Variants in AFF3 observed in about 807,000 individuals in gnomAD.
AFF3 encodes the protein AF4/FMR2 family member 3.
AFF3 carries 32 observed loss-of-function variants against 129.7 expected under a neutral mutation model. That is an observed-to-expected ratio of 0.25 (90% CI 0.19 to 0.33). The LOEUF (loss-of-function observed/expected upper bound fraction) is 0.33, where lower values mean the gene tolerates loss of function less well. Among genes scored for constraint, AFF3 ranks in the 10% least tolerant of loss-of-function variants. The probability of loss-of-function intolerance (pLI) is 1.00; values close to 1 mark genes in which losing one functional copy is unlikely to be tolerated. For synonymous variants in AFF3, 644 were observed against 635.4 expected (o/e 1.01, Z -0.20); for missense variants, 1,373 against 1,592.0 (o/e 0.86, Z 2.34).
chr2:100,114,850 G>A (rs914920920), intron 2 of AFF3, among the ~76,000 whole-genome samples: 2 of 152,198 alleles, frequency 1.3e-5, no homozygotes, highest in South Asian at 4.1e-4. Flanking sequence ...AAAATGAAAA[G>A]CTTCTTTTAG....
intron 1 of AFF3, among the ~76,000 whole-genome samples, chr2:100,129,618 T>A (rs1692337639): frequency 6.6e-6 from 1 of 152,192 alleles, no homozygotes; most frequent in Non-Finnish European, 1.5e-5. Context: ...CTCTTCCCAA[T>A]ACGTCTAATT....
At chr2:100,091,362 G>C (rs1689844670) in intron 4 of AFF3, among the ~76,000 whole-genome samples, 1 of 152,096 alleles carries the variant, frequency 6.6e-6, no homozygotes, top group South Asian at 2.1e-4. Context: ...CAACATCGTG[G>C]GACTCCTGTC....
intron 7 of AFF3, among the ~76,000 whole-genome samples, chr2:99,990,548 T>A (rs1176959138): frequency 6.6e-6 from 1 of 152,192 alleles, no homozygotes; most frequent in East Asian, 1.9e-4. Flanking sequence ...AAATTGTTTG[T>A]TCTACATCCT....
chr2:99,976,991 A>G (rs1417273530), intron 7 of AFF3, among the ~76,000 whole-genome samples: 2 of 152,198 alleles, frequency 1.3e-5, no homozygotes, highest in Admixed American at 6.5e-5. Flanking sequence ...GCCAAAGAAA[A>G]TGGTCTTTGA....
chr2:100,106,245 A>G (rs1457351690), intron 2 of AFF3: 33 of 1,179,080 alleles, frequency 2.8e-5, no homozygotes, highest in East Asian at 5.9e-5. Context: ...GTTGGCATCA[A>G]CATAGTCTGA....
At chr2:99,585,107 T>C (rs945471945) in intron 16 of AFF3, among the ~76,000 whole-genome samples, 3 of 152,204 alleles carry the variant, frequency 2.0e-5, no homozygotes, top group Non-Finnish European at 2.9e-5. Context: ...GCTAAGATGC[T>C]GATGCTGAAG....
intron 11 of AFF3, among the ~76,000 whole-genome samples, chr2:99,675,913 A>G (rs1316118565): frequency 6.6e-6 from 1 of 152,186 alleles, no homozygotes; most frequent in Non-Finnish European, 1.5e-5. Flanking sequence ...AAAGTGTTCA[A>G]CCAAGAGTAA....
chr2:100,041,610 CCA>C (rs1333478071), intron 4 of AFF3, among the ~76,000 whole-genome samples: 1 of 152,094 alleles, frequency 6.6e-6, no homozygotes, highest in Non-Finnish European at 1.5e-5. Flanking sequence ...TGACATGTAG[CCA>C]CAGGGGATAT....
intron 7 of AFF3, among the ~76,000 whole-genome samples, chr2:99,992,054 T>C (rs1680405687): frequency 6.6e-6 from 1 of 152,168 alleles, no homozygotes. Context: ...TTATTTTCAC[T>C]AGAATGTATA....
At chr2:99,557,279 CTTTTTTT>C (rs201716560) in intron 22 of AFF3, among the ~76,000 whole-genome samples, 1 of 133,686 alleles carries the variant, frequency 7.5e-6, no homozygotes, top group Non-Finnish European at 1.6e-5. Context: ...TTGTGTTTTC[CTTTTTTT>C]TTTTTTTTTT....
chr2:99,695,028 TA>T (rs1462473432), intron 11 of AFF3, among the ~76,000 whole-genome samples: 4 of 152,078 alleles, frequency 2.6e-5, no homozygotes, highest in African/African-American at 9.7e-5. Flanking sequence ...ATTTAATTAT[TA>T]ATTTAAATAA....
At chr2:100,134,472 A>C (rs1290051497) in intron 1 of AFF3, among the ~76,000 whole-genome samples, 1 of 152,126 alleles carries the variant, frequency 6.6e-6, no homozygotes, top group African/African-American at 2.4e-5. Context: ...TTTGCCATTC[A>C]TCTTTTTATG....
chr2:100,108,796 C>G (rs1573448343), intron 2 of AFF3, among the ~76,000 whole-genome samples: 1 of 151,622 alleles, frequency 6.6e-6, no homozygotes, highest in African/African-American at 2.4e-5. Flanking sequence ...AGGGTTCAGT[C>G]TGCTCATCAG....
intron 11 of AFF3, among the ~76,000 whole-genome samples, chr2:99,674,206 T>C (rs1687416323): frequency 6.6e-6 from 1 of 152,160 alleles, no homozygotes; most frequent in South Asian, 2.1e-4. Flanking sequence ...GCAGAGGCTG[T>C]AAAGCGGCAC....
intron 7 of AFF3, among the ~76,000 whole-genome samples, chr2:99,868,706 T>C (rs930835677): frequency 6.6e-6 from 1 of 152,184 alleles, no homozygotes; most frequent in African/African-American, 2.4e-5. Context: ...AAGGTTACTA[T>C]TCTCTGGGTG....
intron 2 of AFF3, among the ~76,000 whole-genome samples, chr2:100,118,536 A>G (rs1691817703): frequency 6.6e-6 from 1 of 152,222 alleles, no homozygotes; most frequent in South Asian, 2.1e-4. Flanking sequence ...CTCATCAAAT[A>G]GCATCTATTC....
At chr2:99,779,542 T>C (rs1684222838) in intron 8 of AFF3, among the ~76,000 whole-genome samples, 3 of 152,164 alleles carry the variant, frequency 2.0e-5, no homozygotes, top group South Asian at 4.1e-4. Flanking sequence ...CGTATTTTTG[T>C]GTATTTAGAG....
At chr2:99,616,687 T>A (rs1411199808) in intron 13 of AFF3, among the ~76,000 whole-genome samples, 2 of 151,710 alleles carry the variant, frequency 1.3e-5, no homozygotes, top group Non-Finnish European at 2.9e-5. Flanking sequence ...ACCCAGGAGG[T>A]GGAGGTTGCA....
chr2:99,764,915 G>A (rs537442644), intron 8 of AFF3, among the ~76,000 whole-genome samples: 61 of 151,128 alleles, frequency 4.0e-4, no homozygotes, highest in African/African-American at 1.3e-3. Context: ...TGCTTTTTTT[G>A]ACAAGCAAAA....
Sources: allele counts gnomAD v4.1 joint callset (sites outside exome capture counted in the v4.1 genomes callset), GRCh38; gene constraint gnomAD v4.1.1; transcripts MANE v1.5; gene names NCBI Gene and HGNC (gene_info 2026-07-23, HGNC 2026-07-21).